The following TMX1 variants were observed in gnomAD, a reference collection of about 807,000 sequenced individuals.
The protein encoded by TMX1 is thioredoxin related transmembrane protein 1, also known as thioredoxin-related transmembrane protein 1.
In TMX1, 25 loss-of-function variants were observed where a neutral mutation model predicts 36.6. That is an observed-to-expected ratio of 0.68 (90% confidence interval 0.50 to 0.95). TMX1 has a LOEUF of 0.95. Ranked by LOEUF, TMX1 falls within the 40% of genes least tolerant of loss-of-function variation. The pLI, the probability that TMX1 is intolerant of heterozygous loss-of-function variation, is 0.00. For missense variants in TMX1, 347 were observed against 339.6 expected, an observed-to-expected ratio of 1.02 and a Z score of -0.17; for synonymous variants, 133 against 118.0, an observed-to-expected ratio of 1.13 and a Z score of -0.82.
rs776263284 is a variant in TMX1, at chr14:51,246,088, TA to T, written c.314+731del. Reference sequence around the variant, plus strand: ...TTTCTTTGCCCTTTTTTCTTTTTTTTATGGTTTTAAAATTCACCCCTACTCC... The same window carrying T: ...TTTCTTTGCCCTTTTTTCTTTTTTTTTGGTTTTAAAATTCACCCCTACTCC... On this transcript the variant is annotated intron_variant, in intron 3 of 7. Transcript: ENST00000457354. Among the ~76,000 whole-genome samples the T allele has an allele frequency of 5.2e-4, 79 of 152,258 alleles. 1 individual carries two copies. Among genetic ancestry groups the T allele is most frequent in the Non-Finnish European group, 5.1e-4 (35 of 68,008 alleles).
intron 7 of TMX1, 123 bp from the exon 8 acceptor site, chr14:51,254,218 C>A (rs2139859673): frequency 1.5e-6 from 1 of 677,628 alleles, no homozygotes; most frequent in African/African-American, 1.9e-5. Context: ...TCCTTTTGGA[C>A]ATCCAAACAT....
At chr14:51,254,295 A>T (rs772602272) in intron 7 of TMX1, 46 bp from the exon 8 acceptor site, 3 of 1,528,798 alleles carry the variant, frequency 2.0e-6, no homozygotes, top group Non-Finnish European at 2.6e-6. Flanking sequence ...CTCTAAAGCA[A>T]ATCTAATACA....
At position 51,247,075 on chromosome 14, in the gene TMX1, A is replaced by G. The variant is rs2065788995; in HGVS notation, c.315-17A>G. Reference sequence around the variant, plus strand: ...ATTTCTCAGTGCTGGATAATATTTAATTCTGATTCTCTTTAGTTGTAAAGA... The same window carrying G: ...ATTTCTCAGTGCTGGATAATATTTAGTTCTGATTCTCTTTAGTTGTAAAGA... On this transcript the variant is annotated splice_polypyrimidine_tract_variant and intron_variant, in intron 3 of 7. Transcript: ENST00000457354. The G allele has an allele frequency of 6.3e-7, 1 of 1,596,038 alleles. No homozygotes were observed. Among genetic ancestry groups the G allele is most frequent in the East Asian group, 2.2e-5 (1 of 44,676 alleles).
At position 51,243,885 on chromosome 14, in the gene TMX1, A is replaced by G. The variant is rs900241573; in HGVS notation, c.182A>G (p.Asn61Ser). ...GCCCCGTGGTGCCCTGCTTGTCAAAATCTTCAACCGGAATGGGAAAGTTTT... is the reference window on the plus strand; with the variant it reads ...GCCCCGTGGTGCCCTGCTTGTCAAAGTCTTCAACCGGAATGGGAAAGTTTT... ...FYAPWCPACQ[N>S]LQPEWESFAE... The change falls in exon 2 of 8, where the codon AAT (asparagine) becomes AGT (serine). Residue 61 changes from asparagine (N) to serine (S), a missense_variant. By Grantham distance (46) the Asn-to-Ser change is conservative (BLOSUM62 1). Coordinates refer to ENST00000457354, the MANE Select transcript of TMX1 (RefSeq NM_030755.5). 6.2e-7 allele frequency: 1 copy of G among 1,611,450 alleles called. No individual in the cohort carries two copies. The highest frequency in any genetic ancestry group is 8.5e-7 in the Non-Finnish European group (1 of 1,178,752).
At chr14:51,254,226 C>A in intron 7 of TMX1, 115 bp from the exon 8 acceptor site, 1 of 768,254 alleles carries the variant, frequency 1.3e-6, no homozygotes, top group Non-Finnish European at 1.9e-6. Flanking sequence ...GACATCCAAA[C>A]ATGATAAATT....
rs1414474308 is a variant in TMX1, at chr14:51,254,457, T to C, written c.781T>C (p.Phe261Leu). 1 of 1,611,466 alleles carries C rather than the reference T, an allele frequency of 6.2e-7. No homozygotes were observed. The highest frequency in any genetic ancestry group is 8.5e-7 in the Non-Finnish European group (1 of 1,179,176). ...AESKEGTNKD[F>L]PQNAIRQRSL... ...AAGTAAAGAAGGAACAAACAAAGAC[T>C]TTCCACAGAATGCCATAAGACAACG... Residue 261 changes from phenylalanine to leucine, a missense_variant, in exon 8 of 8, where the codon TTT becomes CTT. By Grantham distance (22) the Phe-to-Leu change is conservative (BLOSUM62 0). Transcript: ENST00000457354.
Position 51,255,834 on chromosome 14 carries a change from G to A in TMX1, c.*1315G>A, listed in dbSNP as rs1266529704. On this transcript the variant is annotated 3_prime_UTR_variant, in exon 8 of 8. Coordinates refer to ENST00000457354, the MANE Select transcript of TMX1 (RefSeq NM_030755.5). The stretch of plus-strand genomic sequence containing the variant: ...CAATGAATCAACTGACCATTACGTA[G>A]TAGACAATTTCTGTAATGTCCCCTT... 3 of 152,246 alleles carry A rather than the reference G, an allele frequency of 2.0e-5. No homozygotes were observed. Among genetic ancestry groups the A allele is most frequent in the Non-Finnish European group, 4.4e-5 (3 of 67,932 alleles). The allele number at this position is 152,246 out of a possible 1,614,324, so 9.4% of individuals were successfully genotyped here.
rs1451457990 is a variant in TMX1, at chr14:51,255,904, T to G, written c.*1385T>G. 1 of 152,572 alleles carries G rather than the reference T, an allele frequency of 6.6e-6. No individual in the cohort carries two copies. Among genetic ancestry groups the G allele is most frequent in the Non-Finnish European group, 1.5e-5 (1 of 67,968 alleles). The allele number at this position is 152,572 out of a possible 1,614,324, so 9.5% of individuals were successfully genotyped here. On this transcript the variant is annotated 3_prime_UTR_variant, in exon 8 of 8. Transcript: ENST00000457354. ...GTGTGAATCCATTAGATTTACAGTA[T>G]CGTAATATACAAGTTTTCTTTAAAG...
Position 51,249,675 on chromosome 14 carries a change from C to A in TMX1, c.592-18C>A, listed in dbSNP as rs761923692. 34 of 1,608,734 alleles carry A rather than the reference C, an allele frequency of 2.1e-5. No homozygotes were observed. The highest frequency in any genetic ancestry group is 2.8e-5 in the Non-Finnish European group (33 of 1,177,812). On this transcript the variant is annotated intron_variant, in intron 6 of 7. Coordinates refer to ENST00000457354, the MANE Select transcript of TMX1 (RefSeq NM_030755.5). Reference sequence around the variant, plus strand: ...ATATATTCTACATTCAGATTTCTTACAATGTTTATTTTTACAGTGTATGAT... The same window carrying A: ...ATATATTCTACATTCAGATTTCTTAAAATGTTTATTTTTACAGTGTATGAT...
At chr14:51,249,976 T>C (rs934068236) in intron 7 of TMX1, among the ~76,000 whole-genome samples, 1 of 152,242 alleles carries the variant, frequency 6.6e-6, no homozygotes, top group Non-Finnish European at 1.5e-5. Flanking sequence ...TGTTATTTTC[T>C]TGACTCTTAT....
Position 51,245,559 on chromosome 14 carries a change from C to G in TMX1, c.314+201C>G, listed in dbSNP as rs558652665. 3.8e-6 allele frequency: 5 copies of G among 1,312,412 alleles called. 1 individual carries two copies. The highest frequency in any genetic ancestry group is 2.7e-5 in the South Asian group (2 of 74,986). 81.3% of individuals were successfully genotyped at this position (1,312,412 alleles called of 1,614,324 possible). ...TGATGTGTGAAACAGTCTCTGTTCTCAAAGATTTACAGTTGTTTTGGAAAG... is the reference window on the plus strand; with the variant it reads ...TGATGTGTGAAACAGTCTCTGTTCTGAAAGATTTACAGTTGTTTTGGAAAG... On this transcript the variant is annotated intron_variant, in intron 3 of 7. Coordinates refer to ENST00000457354, the MANE Select transcript of TMX1 (RefSeq NM_030755.5).
At chr14:51,245,723 A>G (rs2065782685) in intron 3 of TMX1, 1 of 338,000 alleles carries the variant, frequency 3.0e-6, no homozygotes, top group Non-Finnish European at 5.7e-6. Flanking sequence ...TATGGGGTTT[A>G]AATGAAACCT....
At position 51,240,285 on chromosome 14, in the gene TMX1, G is replaced by A. The variant is rs1315484394; in HGVS notation, c.-8G>A. ...ACCGCGCTCCCTGTGAGGTGGGCAA[G>A]CGGCGAAATGGCGCCCTCCGGGAGT... On this transcript the variant is annotated 5_prime_UTR_variant, in exon 1 of 8. Coordinates refer to ENST00000457354, the MANE Select transcript of TMX1 (RefSeq NM_030755.5). 8.1e-6 allele frequency: 13 copies of A among 1,608,528 alleles called. No individual in the cohort carries two copies. The highest frequency in any genetic ancestry group is 1.0e-5 in the Non-Finnish European group (12 of 1,179,402).
In TMX1 at chr14:51,256,210, C is replaced by T. The variant is rs1415903990; in HGVS notation, c.*1691C>T. On this transcript the variant is annotated 3_prime_UTR_variant, in exon 8 of 8. Coordinates refer to ENST00000457354, the MANE Select transcript of TMX1 (RefSeq NM_030755.5). The stretch of plus-strand genomic sequence containing the variant: ...TGAGATGTTTAAGGACAGTAATGCT[C>T]ATTAATCAAGCATTTTTTTTTTTTA... The T allele has an allele frequency of 6.6e-6, 1 of 151,738 alleles. No individual in the cohort carries two copies. Among genetic ancestry groups the T allele is most frequent in the Admixed American group, 6.6e-5 (1 of 15,224 alleles). The allele number at this position is 151,738 out of a possible 1,614,324, so 9.4% of individuals were successfully genotyped here. A position where few individuals can be genotyped will look rare whatever the true frequency, so the allele number is the denominator to read the frequency against.
At position 51,254,682 on chromosome 14, in the gene TMX1, A is replaced by G. The variant is rs1209718327; in HGVS notation, c.*163A>G. On this transcript the variant is annotated 3_prime_UTR_variant, in exon 8 of 8. Transcript: ENST00000457354. ...CATTCAGAACATAAAAGCACTAGGT[A>G]TACAAGTTTGAAATATGATTTAAGC... The G allele has an allele frequency of 4.5e-5, 26 of 572,070 alleles. No individual in the cohort carries two copies. The highest frequency in any genetic ancestry group is 7.2e-5 in the Non-Finnish European group (25 of 346,778). The allele number at this position is 572,070 out of a possible 1,614,324, so 35.4% of individuals were successfully genotyped here.
intron 4 of TMX1, among the ~76,000 whole-genome samples, chr14:51,248,116 T>C (rs904201344): frequency 2.0e-5 from 3 of 152,238 alleles, no homozygotes; most frequent in Non-Finnish European, 4.4e-5. Context: ...TTTATAGATA[T>C]CTAGAGGGTA....
chr14:51,240,312 T>C lies in TMX1; in HGVS notation c.20T>C (p.Leu7Pro). The C allele has an allele frequency of 6.2e-7, 1 of 1,612,686 alleles. No individual in the cohort carries two copies. Among genetic ancestry groups the C allele is most frequent in the Non-Finnish European group, 8.5e-7 (1 of 1,179,926 alleles). ...GGCGAAATGGCGCCCTCCGGGAGTC[T>C]TGCAGTTCCCCTGGCAGTCCTGGTG... is the stretch of plus-strand genomic sequence containing the variant. MAPSGS[L>P]AVPLAVLVLL... The change falls in exon 1 of 8, where the codon CTT becomes CCT. Residue 7 changes from leucine to proline, a missense_variant. Physicochemically the swap from Leu to Pro is moderately conservative, Grantham distance 98. Coordinates refer to ENST00000457354, the MANE Select transcript of TMX1 (RefSeq NM_030755.5).
At chr14:51,243,177 A>G (rs1004378417) in intron 1 of TMX1, among the ~76,000 whole-genome samples, 3 of 152,116 alleles carry the variant, frequency 2.0e-5, no homozygotes, top group African/African-American at 2.4e-5. Context: ...TCCTCAGGAG[A>G]TAATACCAGA....
intron 2 of TMX1, 97 bp downstream of exon 2, chr14:51,244,068 T>C (rs2065774691): frequency 2.9e-6 from 3 of 1,040,408 alleles, no homozygotes; most frequent in Non-Finnish European, 4.0e-6. Context: ...TACCTTTCTT[T>C]AGGTTTTGAA....
Sources: gnomAD v4.1 joint callset for allele counts (sites outside exome capture counted in the v4.1 genomes callset) on GRCh38, gnomAD v4.1.1 for gene constraint, MANE v1.5 for transcripts, NCBI Gene and HGNC (gene_info 2026-07-23, HGNC 2026-07-21) for gene names.